LRP8: variants seen among roughly 807,000 people sequenced by gnomAD.
The protein encoded by LRP8 is low-density lipoprotein receptor-related protein 8.
A neutral mutation model predicts 111.6 loss-of-function variants in LRP8; 46 were observed. The observed-to-expected ratio is 0.41, with a 90% CI of 0.33 to 0.53. The LOEUF (loss-of-function observed/expected upper bound fraction) is 0.53, where lower values mean the gene tolerates loss of function less well. Among genes scored for constraint, LRP8 ranks in the 20% least tolerant of loss-of-function variants. LRP8 has a pLI of 0.20. For missense variants in LRP8, 959 were observed against 1,297.4 expected (o/e 0.74, Z 4.01); for synonymous variants, 464 against 511.2 (o/e 0.91, Z 1.24).
chr1:53,312,826 G>C (rs1269660274), intron 2 of LRP8, among the ~76,000 whole-genome samples: 3 of 152,190 alleles, frequency 2.0e-5, no homozygotes, highest in Non-Finnish European at 4.4e-5. Flanking sequence ...TGAGATGCAG[G>C]ATGTTGAGTT....
At chr1:53,296,920 A>G (rs1029199468) in intron 2 of LRP8, among the ~76,000 whole-genome samples, 2 of 152,132 alleles carry the variant, frequency 1.3e-5, no homozygotes, top group African/African-American at 2.4e-5. Context: ...GTGAACCCCC[A>G]ACATATAAGA....
intron 2 of LRP8, among the ~76,000 whole-genome samples, chr1:53,318,755 AAAC>A (rs1173246836): frequency 6.6e-6 from 1 of 152,078 alleles, no homozygotes; most frequent in Non-Finnish European, 1.5e-5. Context: ...CCATATGTGA[AAAC>A]AACCGGCATA....
intron 2 of LRP8, among the ~76,000 whole-genome samples, chr1:53,322,837 T>G (rs1195838012): frequency 1.3e-5 from 2 of 152,106 alleles, no homozygotes; most frequent in Non-Finnish European, 2.9e-5. Context: ...CTTTAATTAT[T>G]TATGAGGCTG....
At chr1:53,273,813 A>C (rs1484987410) in intron 6 of LRP8, among the ~76,000 whole-genome samples, 2 of 152,100 alleles carry the variant, frequency 1.3e-5, no homozygotes, top group Non-Finnish European at 2.9e-5. Flanking sequence ...TCTTCCTGGG[A>C]AGCTCAGGAG....
intron 2 of LRP8, among the ~76,000 whole-genome samples, chr1:53,310,951 G>C (rs80282693): frequency 5.9e-5 from 9 of 152,154 alleles, no homozygotes; most frequent in African/African-American, 2.2e-4. Flanking sequence ...AATCGACCCC[G>C]GGTCATGCCT....
chr1:53,310,697 A>G (rs1193552210), intron 2 of LRP8, among the ~76,000 whole-genome samples: 1 of 152,190 alleles, frequency 6.6e-6, no homozygotes, highest in East Asian at 1.9e-4. Flanking sequence ...CCTCTCGGGA[A>G]GAACCAGAAA....
At chr1:53,282,596 G>T (rs933636589) in intron 3 of LRP8, among the ~76,000 whole-genome samples, 1 of 152,104 alleles carries the variant, frequency 6.6e-6, no homozygotes, top group Non-Finnish European at 1.5e-5. Flanking sequence ...TGCTTTGCTG[G>T]GGTCCTCTCA....
In LRP8 at chr1:53,275,589, C is replaced by T; in HGVS notation, c.1006+42G>A. 2 of 1,608,664 alleles carry T rather than the reference C, an allele frequency of 1.2e-6. No homozygotes were observed. The highest frequency in any genetic ancestry group is 2.2e-5 in the South Asian group (2 of 90,812). On this transcript the variant is annotated intron_variant, in intron 6 of 18. Transcript: ENST00000306052. The surrounding 1 kb of genome is among the most constrained non-coding windows in gnomAD (Gnocchi z 4.4). Reference sequence around the variant, plus strand: ...TCTGGAGAGTTACCAGAGCCTAGGGCATCCTCACAGAGGATGTGTTCTGTG... The same window carrying T: ...TCTGGAGAGTTACCAGAGCCTAGGGTATCCTCACAGAGGATGTGTTCTGTG...
At chr1:53,323,018 G>A (rs573776956) in intron 2 of LRP8, among the ~76,000 whole-genome samples, 1 of 152,292 alleles carries the variant, frequency 6.6e-6, no homozygotes, top group South Asian at 2.1e-4. Flanking sequence ...AGGTCAGTGA[G>A]CACAAAACTG....
At chr1:53,318,943 C>T (rs75623761) in intron 2 of LRP8, among the ~76,000 whole-genome samples, 3,252 of 151,484 alleles carry the variant, frequency 0.021, 108 homozygotes, top group African/African-American at 0.074. Context: ...CTGCAACCTT[C>T]GTTTCCTGTT....
chr1:53,310,103 T>C (rs1306368562), intron 2 of LRP8, among the ~76,000 whole-genome samples: 1 of 152,152 alleles, frequency 6.6e-6, no homozygotes, highest in Non-Finnish European at 1.5e-5. Context: ...GGAAGGGCTC[T>C]GGGCCCCAGG....
intron 9 of LRP8, among the ~76,000 whole-genome samples, 179 bp from the exon 10 acceptor site, chr1:53,264,575 A>G (rs1378779436): frequency 6.6e-6 from 1 of 152,102 alleles, no homozygotes; most frequent in Admixed American, 6.5e-5. Context: ...ACAGACTTAC[A>G]TGGGCCACGG....
chr1:53,271,112 A>G lies in LRP8; in HGVS notation c.1168T>C (p.Cys390Arg). The change falls in exon 8 of 19, where the codon TGT becomes CGT. Residue 390 changes from cysteine (C) to arginine (R), a missense_variant. Cys to Arg is a radical substitution (Grantham distance 180, BLOSUM62 -3). Transcript: ENST00000306052. ...CKDPDACSQI[C>R]VNYKGYFKCE... ...TTAAAATAGCCCTTGTAATTGACAC[A>G]GATCTGGCTGCAGGCATCTGGGTCC... The G allele has an allele frequency of 6.2e-7, 1 of 1,613,926 alleles. No individual in the cohort carries two copies. Among genetic ancestry groups the G allele is most frequent in the South Asian group, 1.1e-5 (1 of 91,066 alleles).
chr1:53,327,765 G>A (rs557611338), intron 1 of LRP8, 24 bp downstream of exon 1: 32 of 1,498,206 alleles, frequency 2.1e-5, no homozygotes, highest in Non-Finnish European at 2.8e-5. Context: ...GAGCAGAGCC[G>A]AGTCAGAGAC....
At chr1:53,292,486 C>T (rs1406509437) in intron 2 of LRP8, among the ~76,000 whole-genome samples, 1 of 152,160 alleles carries the variant, frequency 6.6e-6, no homozygotes, top group Non-Finnish European at 1.5e-5. Context: ...GATGCGAATA[C>T]CACCTATTGG....
At chr1:53,281,601 A>G (rs1217304366) in intron 3 of LRP8, among the ~76,000 whole-genome samples, 3 of 152,194 alleles carry the variant, frequency 2.0e-5, no homozygotes. Context: ...GGGTGAGAGG[A>G]TTATGTGCTG....
chr1:53,305,570 C>A (rs1282149557), intron 2 of LRP8: 1 of 152,252 alleles, frequency 6.6e-6, no homozygotes, highest in Non-Finnish European at 1.5e-5. Flanking sequence ...AAGGTCAAGG[C>A]GGGTGGAATT....
rs1407429670 is a variant in LRP8, at chr1:53,277,005, G to A, written c.570C>T (p.Asp190=). The A allele has an allele frequency of 1.3e-6, 2 of 1,517,082 alleles. No individual in the cohort carries two copies. The highest frequency in any genetic ancestry group is 2.0e-5 in the Admixed American group (1 of 50,176). 94.0% of individuals were successfully genotyped at this position (1,517,082 alleles called of 1,614,324 possible). A position where few individuals can be genotyped will look rare whatever the true frequency, so the allele number is the denominator to read the frequency against. Residue 190 remains aspartate (D), a synonymous_variant, in exon 5 of 19, where the codon GAC becomes GAT. Coordinates refer to ENST00000306052, the MANE Select transcript of LRP8 (RefSeq NM_004631.5). The part of the protein sequence containing the change: ...LAAVFVCDGD[D]DCGDGSDERG... Reference sequence around the variant, plus strand: ...GCTCATCGCTGCCGTCACCACAGTCGTCGTCGCCGTCGCACACGAACACGG... The same window carrying A: ...GCTCATCGCTGCCGTCACCACAGTCATCGTCGCCGTCGCACACGAACACGG...
intron 16 of LRP8, among the ~76,000 whole-genome samples, chr1:53,251,345 A>C (rs1645889090): frequency 6.6e-6 from 1 of 152,068 alleles, no homozygotes; most frequent in African/African-American, 2.4e-5. Context: ...ATTCTCTCCC[A>C]AAACTGGGGG....
Sources: gnomAD v4.1 joint callset for allele counts (sites outside exome capture counted in the v4.1 genomes callset) on GRCh38, gnomAD v4.1.1 for gene constraint, Gnocchi (gnomAD v3.1) non-coding constraint, MANE v1.5 for transcripts, NCBI Gene and HGNC (gene_info 2026-07-23, HGNC 2026-07-21) for gene names.